The following MVB12B variants were observed in gnomAD, a reference collection of about 807,000 sequenced individuals.
MVB12B encodes multivesicular body subunit 12B.
MVB12B carries 16 observed loss-of-function variants against 41.6 expected under a neutral mutation model. The ratio of observed to expected loss-of-function variants is 0.38; its 90% CI spans 0.26 to 0.58. MVB12B has a LOEUF of 0.58. MVB12B is among the 20% of genes least tolerant of loss of function. MVB12B has a pLI of 0.62. For synonymous variants in MVB12B, 133 were observed against 139.7 expected (o/e 0.95, Z 0.34); for missense variants, 274 against 380.2 (o/e 0.72, Z 2.32).
At chr9:126,467,593 A>G (rs1026742138) in intron 7 of MVB12B, among the ~76,000 whole-genome samples, 1 of 152,196 alleles carries the variant, frequency 6.6e-6, no homozygotes, top group Non-Finnish European at 1.5e-5. Context: ...TCCAGTATAT[A>G]AGGAAGAGGT....
At chr9:126,443,548 G>A (rs1027280682) in intron 7 of MVB12B, among the ~76,000 whole-genome samples, 6 of 152,146 alleles carry the variant, frequency 3.9e-5, no homozygotes, top group African/African-American at 1.4e-4. Context: ...GTTCATTGTA[G>A]AAAAGTTACA....
chr9:126,426,426 C>T (rs187390527), intron 7 of MVB12B, among the ~76,000 whole-genome samples: 1 of 152,182 alleles, frequency 6.6e-6, no homozygotes, highest in South Asian at 2.1e-4. Context: ...GGAGGGCCCT[C>T]TTCCGGGTCA....
At position 126,413,845 on chromosome 9, in the gene MVB12B, T is replaced by TGTG. The variant is rs149104251; in HGVS notation, c.663-8008_663-8006dup. On this transcript the variant is annotated intron_variant, in intron 6 of 9. Coordinates refer to ENST00000361171, the MANE Select transcript of MVB12B (RefSeq NM_033446.3). ...GTGTGTGTGTGTGTGTGTGTGTGTG[T>TGTG]GTGTGTGTATAAGGGTTGGGAGATC... 2.7e-3 allele frequency among the ~76,000 whole-genome samples: 377 copies of TGTG among 139,296 alleles called. 3 individuals carry two copies. The highest frequency in any genetic ancestry group is 0.023 in the Middle Eastern group (6 of 264). 91.4% of individuals were successfully genotyped at this position (139,296 alleles called of 152,430 possible).
intron 2 of MVB12B, among the ~76,000 whole-genome samples, chr9:126,345,576 TG>T (rs2118840666): frequency 6.6e-6 from 1 of 152,346 alleles, no homozygotes; most frequent in East Asian, 1.9e-4. Flanking sequence ...TAGGTTTCAG[TG>T]GCAGGCAAGG....
intron 7 of MVB12B, among the ~76,000 whole-genome samples, chr9:126,433,484 C>T (rs1195860822): frequency 6.6e-6 from 1 of 152,092 alleles, no homozygotes; most frequent in Non-Finnish European, 1.5e-5. Flanking sequence ...GGTGGGCAGC[C>T]CAAGCCCATC....
At chr9:126,482,041 A>G (rs563308609) in intron 8 of MVB12B, among the ~76,000 whole-genome samples, 3 of 152,348 alleles carry the variant, frequency 2.0e-5, no homozygotes, top group African/African-American at 7.2e-5. Context: ...GGCTCACGCC[A>G]TCTTTTTATC....
At chr9:126,404,733 A>C (rs7847992) in intron 6 of MVB12B, among the ~76,000 whole-genome samples, 1 of 152,252 alleles carries the variant, frequency 6.6e-6, no homozygotes, top group African/African-American at 2.4e-5. Flanking sequence ...AGGCCAGCCC[A>C]GGAGGTCCCA....
chr9:126,483,912 A>G (rs1833580258), intron 8 of MVB12B, 61 bp from the exon 9 acceptor site: 1 of 1,563,110 alleles, frequency 6.4e-7, no homozygotes, highest in African/African-American at 1.4e-5. Context: ...CATGCATAAA[A>G]GTAAGTGTGG....
At chr9:126,428,387 A>G (rs959096502) in intron 7 of MVB12B, among the ~76,000 whole-genome samples, 5 of 152,188 alleles carry the variant, frequency 3.3e-5, no homozygotes, top group Non-Finnish European at 7.3e-5. Flanking sequence ...TTATGATGAA[A>G]AAAATGTGTA....
intron 2 of MVB12B, among the ~76,000 whole-genome samples, chr9:126,366,563 G>A (rs1040859331): frequency 6.6e-5 from 10 of 152,050 alleles, no homozygotes; most frequent in African/African-American, 2.2e-4. Context: ...GCTTATTATT[G>A]CATCATATTT....
intron 2 of MVB12B, among the ~76,000 whole-genome samples, chr9:126,368,383 C>T (rs1213001531): frequency 6.6e-6 from 1 of 152,212 alleles, no homozygotes; most frequent in African/African-American, 2.4e-5. Flanking sequence ...TCCCAGATTC[C>T]AGCCAGGAAG....
chr9:126,345,140 G>A (rs1829552997), intron 2 of MVB12B, among the ~76,000 whole-genome samples: 1 of 152,176 alleles, frequency 6.6e-6, no homozygotes, highest in South Asian at 2.1e-4. Context: ...CTTGACAGCT[G>A]TGGTGGGGGT....
chr9:126,493,567 G>A (rs10819172), intron 9 of MVB12B, among the ~76,000 whole-genome samples: 133,383 of 152,198 alleles, frequency 0.88, 58,681 homozygotes, highest in East Asian at 0.91. Context: ...AGGAAGTTCC[G>A]AAAAGCCCAC....
intron 7 of MVB12B, among the ~76,000 whole-genome samples, chr9:126,450,372 A>G (rs1832867600): frequency 6.6e-6 from 1 of 152,232 alleles, no homozygotes; most frequent in South Asian, 2.1e-4. Context: ...GCTAGCCCCC[A>G]TTGGGGTGAC....
At chr9:126,501,360 G>T (rs1426614115) in intron 9 of MVB12B, among the ~76,000 whole-genome samples, 2 of 152,220 alleles carry the variant, frequency 1.3e-5, no homozygotes, top group East Asian at 3.9e-4. Context: ...GGCAGGAGAG[G>T]AGAGGAGCCT....
rs1308634655 is a variant in MVB12B at position 126,391,802 on chromosome 9, G to A, written c.410-264G>A. Among the ~76,000 whole-genome samples the A allele has an allele frequency of 3.3e-5, 5 of 152,180 alleles. No individual in the cohort carries two copies. Among genetic ancestry groups the A allele is most frequent in the Non-Finnish European group, 7.3e-5 (5 of 68,030 alleles). ...TGAGCAGTGAGCAGATTGTGGTTGC[G>A]GCTCTTAGAAGCCACCCAGATTTAC... On this transcript the variant is annotated intron_variant, in intron 4 of 9. Transcript: ENST00000361171. The surrounding 1 kb of genome is among the most constrained non-coding windows in gnomAD (Gnocchi z 4.4).
intron 2 of MVB12B, among the ~76,000 whole-genome samples, chr9:126,377,363 T>C (rs1431645890): frequency 6.6e-6 from 1 of 152,138 alleles, no homozygotes; most frequent in Non-Finnish European, 1.5e-5. Context: ...AGCAGACATA[T>C]CGAGTTGTCT....
chr9:126,488,344 CAAA>C (rs60489071), intron 9 of MVB12B, among the ~76,000 whole-genome samples: 3,223 of 132,238 alleles, frequency 0.024, 56 homozygotes, highest in African/African-American at 0.042. Flanking sequence ...ACCATTAAAC[CAAA>C]AAAAAAAAAA....
At chr9:126,336,415 A>G (rs140565888) in intron 1 of MVB12B, among the ~76,000 whole-genome samples, 65 of 152,302 alleles carry the variant, frequency 4.3e-4, no homozygotes, top group African/African-American at 1.1e-3. Context: ...GATTAAACAC[A>G]CTGTTGTAGT....
Sources: allele counts gnomAD v4.1 joint callset (sites outside exome capture counted in the v4.1 genomes callset), GRCh38; gene constraint gnomAD v4.1.1; non-coding constraint Gnocchi (gnomAD v3.1); transcripts MANE v1.5; gene names NCBI Gene and HGNC (gene_info 2026-07-23, HGNC 2026-07-21).